The following AK9 variants were observed in gnomAD, a reference collection of about 807,000 sequenced individuals.
The protein encoded by AK9 is adenylate kinase 9.
A neutral mutation model predicts 239.6 loss-of-function variants in AK9; 191 were observed. The observed-to-expected ratio is 0.80, with a 90% confidence interval of 0.71 to 0.90. The LOEUF (loss-of-function observed/expected upper bound fraction) is 0.90, where lower values mean the gene tolerates loss of function less well. Among genes scored for constraint, AK9 ranks in the 40% least tolerant of loss-of-function variants. AK9 has a pLI of 0.00. For synonymous variants in AK9, 689 were observed against 721.0 expected (o/e 0.96, Z 0.71); for missense variants, 1,995 against 2,214.7 (o/e 0.90, Z 1.99).
At chr6:109,682,219 A>C (rs1249972578) in intron 1 of AK9, among the ~76,000 whole-genome samples, 2 of 152,054 alleles carry the variant, frequency 1.3e-5, no homozygotes, top group Non-Finnish European at 2.9e-5. Flanking sequence ...AGGTCAGGAG[A>C]TCAAGACCAT....
chr6:109,534,275 G>T (rs906204601), intron 27 of AK9, among the ~76,000 whole-genome samples: 1 of 148,848 alleles, frequency 6.7e-6, no homozygotes, highest in African/African-American at 2.5e-5. Context: ...GTTAATTAGA[G>T]CACTTATTTT....
chr6:109,687,762 G>A (rs947512880), intron 1 of AK9, among the ~76,000 whole-genome samples: 2 of 152,196 alleles, frequency 1.3e-5, no homozygotes, highest in Non-Finnish European at 2.9e-5. Flanking sequence ...TGATGCCAGG[G>A]CTCCTGGCCA....
intron 1 of AK9, among the ~76,000 whole-genome samples, chr6:109,680,652 G>A (rs1157089177): frequency 1.3e-5 from 2 of 152,080 alleles, no homozygotes; most frequent in Non-Finnish European, 2.9e-5. Flanking sequence ...ACACATAATC[G>A]TCAGATTCAC....
intron 13 of AK9, among the ~76,000 whole-genome samples, 184 bp downstream of exon 13, chr6:109,618,908 T>C (rs1433316665): frequency 6.6e-6 from 1 of 152,142 alleles, no homozygotes; most frequent in African/African-American, 2.4e-5. Flanking sequence ...GGTCTAGAAT[T>C]GAAAGTTTTT....
chr6:109,663,910 A>T (rs1298639161), intron 5 of AK9, among the ~76,000 whole-genome samples: 3 of 152,208 alleles, frequency 2.0e-5, no homozygotes, highest in African/African-American at 7.2e-5. Flanking sequence ...CTCCCTTTCC[A>T]AGAATATATC....
chr6:109,625,987 A>AT (rs1795487684), intron 12 of AK9, among the ~76,000 whole-genome samples: 1 of 151,172 alleles, frequency 6.6e-6, no homozygotes, highest in East Asian at 1.9e-4. Context: ...AGACCATCTG[A>AT]TTTTCCCACA....
chr6:109,662,502 T>C (rs774116291), intron 6 of AK9, 49 bp downstream of exon 6: 3 of 1,341,802 alleles, frequency 2.2e-6, no homozygotes, highest in Non-Finnish European at 2.9e-6. Flanking sequence ...ATTTAACTAC[T>C]ATCAAAAAGA....
At chr6:109,619,362 G>C (rs1207278971) in intron 12 of AK9, 126 bp from the exon 13 acceptor site, 2 of 1,064,984 alleles carry the variant, frequency 1.9e-6, no homozygotes, top group African/African-American at 3.3e-5. Flanking sequence ...AATACTGCTT[G>C]AGGTATATTT....
intron 6 of AK9, among the ~76,000 whole-genome samples, chr6:109,660,054 G>A (rs1213729038): frequency 2.0e-5 from 3 of 152,168 alleles, no homozygotes; most frequent in Non-Finnish European, 4.4e-5. Flanking sequence ...AACCCTGTAA[G>A]ATAAGCAATC....
intron 10 of AK9, among the ~76,000 whole-genome samples, chr6:109,636,750 TCACACA>T (rs57475668): frequency 2.7e-4 from 36 of 135,574 alleles, no homozygotes; most frequent in Admixed American, 6.3e-4. Flanking sequence ...TAATATTCCA[TCACACA>T]CACACACACA....
intron 5 of AK9, among the ~76,000 whole-genome samples, chr6:109,669,311 G>A (rs926710564): frequency 4.6e-5 from 7 of 151,978 alleles, no homozygotes; most frequent in African/African-American, 1.7e-4. Flanking sequence ...GGTTTTCTAG[G>A]TATACAATCA....
At chr6:109,570,358 A>G (rs1223261385) in intron 21 of AK9, among the ~76,000 whole-genome samples, 1 of 152,068 alleles carries the variant, frequency 6.6e-6, no homozygotes, top group Non-Finnish European at 1.5e-5. Context: ...CAGCACACCA[A>G]CATGGCACAT....
At chr6:109,684,194 A>G (rs1274699151) in intron 1 of AK9, among the ~76,000 whole-genome samples, 2 of 152,128 alleles carry the variant, frequency 1.3e-5, no homozygotes, top group African/African-American at 4.8e-5. Flanking sequence ...TGGCTAGTCA[A>G]ATGGAGAAAA....
intron 12 of AK9, chr6:109,632,050 A>C: frequency 1.7e-6 from 1 of 598,920 alleles, no homozygotes; most frequent in Non-Finnish European, 2.1e-6. Flanking sequence ...ATTGAGAAGA[A>C]ACATGAGAGG....
At position 109,497,972 on chromosome 6, in the gene AK9, A is replaced by G. The variant is rs1203009058; in HGVS notation, c.5047-7T>C. On this transcript the variant is annotated splice_region_variant and splice_polypyrimidine_tract_variant and intron_variant, in intron 36 of 40. Transcript: ENST00000424296. ...CTGGGTTCTCCAAGAATTTCTATTA[A>G]AAAAGAATTCCAGTAGCAACATGAT... is the stretch of plus-strand genomic sequence containing the variant. The G allele has an allele frequency of 3.1e-6, 5 of 1,612,324 alleles. No homozygotes were observed. The highest frequency in any genetic ancestry group is 4.2e-6 in the Non-Finnish European group (5 of 1,178,602).
intron 19 of AK9, among the ~76,000 whole-genome samples, chr6:109,584,769 T>C (rs1410371155): frequency 6.6e-6 from 1 of 152,114 alleles, no homozygotes; most frequent in Non-Finnish European, 1.5e-5. Context: ...TTCATCTGCT[T>C]CCTATGATGT....
intron 17 of AK9, among the ~76,000 whole-genome samples, chr6:109,597,269 T>C (rs970325107): frequency 6.6e-6 from 1 of 152,234 alleles, no homozygotes; most frequent in African/African-American, 2.4e-5. Flanking sequence ...AAAGTGACTC[T>C]ATCAGTACAG....
Position 109,514,362 on chromosome 6 carries a change from T to C in AK9, c.4141A>G (p.Ile1381Val). Residue 1381 changes from isoleucine to valine, a missense_variant, in exon 32 of 41, where the codon ATT becomes GTT. Around this residue, in one of 5 missense-constraint regions of AK9, gnomAD observed 1,290 missense variants for 1,392.7 expected, o/e 0.93. Coordinates refer to ENST00000424296, the MANE Select transcript of AK9 (RefSeq NM_001145128.3). The part of the protein sequence containing the change: ...PIYPVIHRQY[I>V]YFLSSKETKE... The stretch of plus-strand genomic sequence containing the variant: ...GTTTCTTTACTAGATAAAAAATAAA[T>C]ATACTGACGATGGATTACAGGATAA... The C allele has an allele frequency of 6.4e-7, 1 of 1,551,134 alleles. No individual in the cohort carries two copies. Among genetic ancestry groups the C allele is most frequent in the Non-Finnish European group, 8.7e-7 (1 of 1,146,746 alleles).
At chr6:109,564,689 G>A in intron 22 of AK9, 67 bp downstream of exon 22, 1 of 1,248,478 alleles carries the variant, frequency 8.0e-7, no homozygotes, top group Non-Finnish European at 1.1e-6. Flanking sequence ...CCTAAAATTA[G>A]GGACCCTTTG....
Sources: gnomAD v4.1 joint callset for allele counts (sites outside exome capture counted in the v4.1 genomes callset) on GRCh38, gnomAD v4.1.1 for gene constraint, gnomAD v4.1.1 regional missense constraint, MANE v1.5 for transcripts, NCBI Gene and HGNC (gene_info 2026-07-23, HGNC 2026-07-21) for gene names.